The following TTL variants were observed in gnomAD, a reference collection of about 807,000 sequenced individuals.
TTL encodes the protein tubulin--tyrosine ligase.
TTL carries 10 observed loss-of-function variants against 41.1 expected under a neutral mutation model. The observed-to-expected ratio is 0.24, with a 90% confidence interval of 0.15 to 0.41. TTL has a LOEUF of 0.41. Among genes scored for constraint, TTL ranks in the 10% least tolerant of loss-of-function variants. TTL has a pLI of 1.00. For synonymous variants in TTL, 175 were observed against 175.5 expected (o/e 1.00, Z 0.02); for missense variants, 367 against 460.4 (o/e 0.80, Z 1.86).
intron 5 of TTL, 125 bp downstream of exon 5, chr2:112,503,306 C>A: frequency 1.3e-6 from 1 of 741,732 alleles, no homozygotes; most frequent in Non-Finnish European, 2.1e-6. Context: ...TGTAATATTC[C>A]TTTATTTTCC....
intron 5 of TTL, among the ~76,000 whole-genome samples, chr2:112,514,499 A>G (rs770475100): frequency 3.3e-5 from 5 of 152,216 alleles, no homozygotes; most frequent in Non-Finnish European, 7.3e-5. Flanking sequence ...TGCTCTGGAC[A>G]TAGATTTCTA....
Position 112,520,323 on chromosome 2 carries a change from A to G in TTL, c.917A>G (p.His306Arg), listed in dbSNP as rs769261273. The change falls in exon 6 of 7, where the codon CAC (histidine) becomes CGC (arginine). Residue 306 changes from histidine to arginine, a missense_variant. By Grantham distance (29) the His-to-Arg change is conservative. Coordinates refer to ENST00000233336, the MANE Select transcript of TTL (RefSeq NM_153712.5). The stretch of plus-strand genomic sequence containing the variant: ...GTGGAGCCTGCCATTAGCACCAAGC[A>G]CCTCCCTTACCAGAGCTTCCAGCTC... ...LSVEPAISTK[H>R]LPYQSFQLFG... The G allele has an allele frequency of 1.2e-6, 2 of 1,613,912 alleles. No individual in the cohort carries two copies. The highest frequency in any genetic ancestry group is 2.2e-5 in the East Asian group (1 of 44,858).
At chr2:112,503,958 C>A (rs1486182505) in intron 5 of TTL, among the ~76,000 whole-genome samples, 1 of 80,010 alleles carries the variant, frequency 1.2e-5, no homozygotes, top group Non-Finnish European at 2.4e-5. Context: ...TGCTATCCCT[C>A]CCCCCTCCCC....
Position 112,531,215 on chromosome 2 carries a change from G to T in TTL, c.*2420G>T, listed in dbSNP as rs893147662. The T allele has an allele frequency of 4.5e-6, 1 of 222,578 alleles. No individual in the cohort carries two copies. The highest frequency in any genetic ancestry group is 9.0e-6 in the Non-Finnish European group (1 of 111,036). 13.8% of individuals were successfully genotyped at this position (222,578 alleles called of 1,614,324 possible). On this transcript the variant is annotated 3_prime_UTR_variant, in exon 7 of 7. Coordinates refer to ENST00000233336, the MANE Select transcript of TTL (RefSeq NM_153712.5). Reference sequence around the variant, plus strand: ...TTCCTTTCCCTTCCATGATGTCCTTGACACAGAAGGTTATGCCTGGCTCCC... The same window carrying T: ...TTCCTTTCCCTTCCATGATGTCCTTTACACAGAAGGTTATGCCTGGCTCCC...
chr2:112,534,482 G>T lies in TTL; in HGVS notation c.*5687G>T, dbSNP rs1318664281. On this transcript the variant is annotated 3_prime_UTR_variant, in exon 7 of 7. Transcript: ENST00000233336. ...GACATCCAGCAGCAGAGCAGCCACC[G>T]TAGGGCTCAGAAGGGGATTGGAACT... The T allele has an allele frequency of 6.5e-6, 1 of 152,838 alleles. No individual in the cohort carries two copies. The highest frequency in any genetic ancestry group is 6.6e-5 in the Admixed American group (1 of 15,264). The allele number at this position is 152,838 out of a possible 1,614,324, so 9.5% of individuals were successfully genotyped here.
At chr2:112,514,494 T>C (rs2104467987) in intron 5 of TTL, among the ~76,000 whole-genome samples, 1 of 152,378 alleles carries the variant, frequency 6.6e-6, no homozygotes, top group East Asian at 1.9e-4. Context: ...ACATTTGCTC[T>C]GGACATAGAT....
intron 5 of TTL, among the ~76,000 whole-genome samples, chr2:112,503,443 A>T (rs1004899853): frequency 1.8e-4 from 26 of 144,126 alleles, no homozygotes; most frequent in South Asian, 6.5e-4. Flanking sequence ...TTATTTATTT[A>T]TTTTTTTGAG....
chr2:112,502,853 A>G (rs565781598), intron 4 of TTL, 59 bp from the exon 5 acceptor site: 1 of 1,553,126 alleles, frequency 6.4e-7, no homozygotes, highest in African/African-American at 1.4e-5. Context: ...GGATTGATGT[A>G]TATAATATGC....
At chr2:112,490,568 CTTTTT>C (rs35722764) in intron 2 of TTL, among the ~76,000 whole-genome samples, 10 of 110,690 alleles carry the variant, frequency 9.0e-5, no homozygotes, top group Non-Finnish European at 8.8e-5. Context: ...CTTAGTAAAT[CTTTTT>C]TTTTTTTTTT....
chr2:112,527,214 G>A (rs1682393396), intron 6 of TTL, among the ~76,000 whole-genome samples: 1 of 152,240 alleles, frequency 6.6e-6, no homozygotes, highest in Admixed American at 6.5e-5. Flanking sequence ...CCAATTATGT[G>A]GTCGCTTTAC....
chr2:112,490,295 G>A (rs1379131162), intron 2 of TTL, among the ~76,000 whole-genome samples: 1 of 152,206 alleles, frequency 6.6e-6, no homozygotes, highest in Admixed American at 6.5e-5. Context: ...GTGTGCGCCT[G>A]TAATCCCAGC....
At chr2:112,527,965 C>G (rs1402543077) in intron 6 of TTL, among the ~76,000 whole-genome samples, 2 of 152,130 alleles carry the variant, frequency 1.3e-5, no homozygotes, top group Non-Finnish European at 2.9e-5. Context: ...TGTTCCTTTC[C>G]ATGTTTAGTG....
Position 112,530,414 on chromosome 2 carries a change from A to G in TTL, c.*1619A>G, listed in dbSNP as rs957453064. The G allele has an allele frequency of 4.8e-5, 11 of 230,730 alleles. No individual in the cohort carries two copies. Among genetic ancestry groups the G allele is most frequent in the African/African-American group, 2.4e-4 (11 of 45,202 alleles). 14.3% of individuals were successfully genotyped at this position (230,730 alleles called of 1,614,324 possible). On this transcript the variant is annotated 3_prime_UTR_variant, in exon 7 of 7. Transcript: ENST00000233336. ...AATAAACGTCCTGGGGGTTACCCAG[A>G]ATACAGATTTAAAAGTTTGCCTGTA...
At chr2:112,514,381 C>CAA (rs111264304) in intron 5 of TTL, among the ~76,000 whole-genome samples, 22,974 of 133,996 alleles carry the variant, frequency 0.17, 1,973 homozygotes, top group East Asian at 0.31. Context: ...GACTCTGTTT[C>CAA]AAAAAAAAAA....
rs760931634 is a variant in TTL at position 112,494,395 on chromosome 2, C to T, written c.469+20C>T. On this transcript the variant is annotated intron_variant, in intron 3 of 6. Coordinates refer to ENST00000233336, the MANE Select transcript of TTL (RefSeq NM_153712.5). ...CCAAAGGTGAGTTGGCACTGCTGTCCCCTTCTCTATTCCTGGTAAGTTGCT... is the reference window on the plus strand; with the variant it reads ...CCAAAGGTGAGTTGGCACTGCTGTCTCCTTCTCTATTCCTGGTAAGTTGCT... 1 of 1,577,204 alleles carries T rather than the reference C, an allele frequency of 6.3e-7. No individual in the cohort carries two copies. The highest frequency in any genetic ancestry group is 1.7e-5 in the Admixed American group (1 of 58,566).
chr2:112,517,608 A>T (rs1362178116), intron 5 of TTL, among the ~76,000 whole-genome samples: 1 of 151,426 alleles, frequency 6.6e-6, no homozygotes, highest in Non-Finnish European at 1.5e-5. Flanking sequence ...CATCTGTTAA[A>T]CTTTTAAATC....
In TTL at chr2:112,530,523, T is replaced by TG; in HGVS notation, c.*1731dup. On this transcript the variant is annotated 3_prime_UTR_variant, in exon 7 of 7. Transcript: ENST00000233336. Reference sequence around the variant, plus strand: ...GGTTGGTGTTTGGGAAATTCTGAGATGGGAGTGAGATCTGATCGGATCCTG... The same window carrying TG: ...GGTTGGTGTTTGGGAAATTCTGAGATGGGGAGTGAGATCTGATCGGATCCTG... 1 of 228,996 alleles carries TG rather than the reference T, an allele frequency of 4.4e-6. No homozygotes were observed. Among genetic ancestry groups the TG allele is most frequent in the East Asian group, 6.2e-5 (1 of 16,098 alleles). The allele number at this position is 228,996 out of a possible 1,614,324, so 14.2% of individuals were successfully genotyped here. A position where few individuals can be genotyped will look rare whatever the true frequency, so the allele number is the denominator to read the frequency against.
chr2:112,490,158 G>A (rs1012240789), intron 2 of TTL, among the ~76,000 whole-genome samples: 1 of 152,156 alleles, frequency 6.6e-6, no homozygotes, highest in African/African-American at 2.4e-5. Context: ...ACTCACACCT[G>A]TAATCCCAAC....
chr2:112,512,323 C>T (rs982547023), intron 5 of TTL, among the ~76,000 whole-genome samples: 3 of 150,898 alleles, frequency 2.0e-5, no homozygotes, highest in Admixed American at 1.3e-4. Flanking sequence ...AGTGCAGTGG[C>T]GTGATCTCGG....
Sources: allele counts gnomAD v4.1 joint callset (sites outside exome capture counted in the v4.1 genomes callset), GRCh38; gene constraint gnomAD v4.1.1; transcripts MANE v1.5; gene names NCBI Gene and HGNC (gene_info 2026-07-23, HGNC 2026-07-21).